KIF19: variants seen among roughly 807,000 people sequenced by gnomAD.
KIF19 encodes the protein kinesin-like protein KIF19.
In KIF19, 98 loss-of-function variants were observed where a neutral mutation model predicts 106.6. The ratio of observed to expected loss-of-function variants is 0.92; its 90% CI spans 0.78 to 1.09. The LOEUF (loss-of-function observed/expected upper bound fraction) is 1.09. Ranked by LOEUF, KIF19 falls within the 50% of genes least tolerant of loss-of-function variation. The probability of loss-of-function intolerance (pLI) is 0.00; values close to 1 mark genes in which losing one functional copy is unlikely to be tolerated. For synonymous variants in KIF19, 516 were observed against 584.2 expected, an observed-to-expected ratio of 0.88 and a Z score of 1.68; for missense variants, 1,373 against 1,414.3, an observed-to-expected ratio of 0.97 and a Z score of 0.47.
chr17:74,349,440 C>T (rs1336309678), intron 10 of KIF19, 91 bp downstream of exon 10: 9 of 1,338,950 alleles, frequency 6.7e-6, no homozygotes, highest in Non-Finnish European at 8.0e-6. Context: ...AATCCAGAAT[C>T]GGGCTCTTTC....
In KIF19 at chr17:74,331,341, G is replaced by A. The variant is rs2054073772; in HGVS notation, c.120+2836G>A. Among the ~76,000 whole-genome samples, 1 of 151,580 alleles carries A rather than the reference G, an allele frequency of 6.6e-6. No homozygotes were observed. Among genetic ancestry groups the A allele is most frequent in the Non-Finnish European group, 1.5e-5 (1 of 67,922 alleles). ...GTATTTGGGAGCTGAGCCAGGACAT[G>A]TTCGTCCTGAGTGGGGAGAGGTGGA... On this transcript the variant is annotated intron_variant, in intron 2 of 19. Coordinates refer to ENST00000389916, the MANE Select transcript of KIF19 (RefSeq NM_153209.4). This position sits in a 1 kb window ranked among gnomAD's most constrained non-coding sequence, Gnocchi z 4.1.
Position 74,351,894 on chromosome 17 carries a change from C to T in KIF19, c.1615C>T (p.Leu539=). The part of the protein sequence containing the change: ...KLALEQRCRE[L]RARGRRLEET... ...GGCGCTGGAGCAGCGCTGCCGGGAG[C>T]TGCGCGCGCGGGGCCGGCGCCTGGA... is the stretch of plus-strand genomic sequence containing the variant. Residue 539 remains leucine (L), a synonymous_variant, in exon 13 of 20, where the codon CTG becomes TTG. Transcript: ENST00000389916. The T allele has an allele frequency of 7.1e-7, 1 of 1,411,292 alleles. No homozygotes were observed. The highest frequency in any genetic ancestry group is 9.2e-7 in the Non-Finnish European group (1 of 1,091,184). 87.4% of individuals were successfully genotyped at this position (1,411,292 alleles called of 1,614,324 possible).
rs1327957557 is a variant in KIF19 at position 74,350,450 on chromosome 17, G to A, written c.1263G>A (p.Gln421=). ...AGGGTGAGAAGGCTGGCATGGGACA[G>A]CTTCGGGAGCAGCTCGCCAGCGCCT... ...SGQGEKAGMG[Q]LREQLASAFQ... Residue 421 remains glutamine, a synonymous_variant, in exon 11 of 20, where the codon CAG becomes CAA. Coordinates refer to ENST00000389916, the MANE Select transcript of KIF19 (RefSeq NM_153209.4). 1 of 1,609,416 alleles carries A rather than the reference G, an allele frequency of 6.2e-7. No individual in the cohort carries two copies. The highest frequency in any genetic ancestry group is 8.5e-7 in the Non-Finnish European group (1 of 1,178,714).
At chr17:74,352,394 T>C in intron 14 of KIF19, 54 bp downstream of exon 14, 1 of 1,555,772 alleles carries the variant, frequency 6.4e-7, no homozygotes, top group Non-Finnish European at 8.7e-7. Flanking sequence ...AGGGAGGGGC[T>C]GATGACCAAG....
intron 2 of KIF19, among the ~76,000 whole-genome samples, chr17:74,330,352 G>A (rs1272193842): frequency 1.3e-5 from 2 of 152,164 alleles, no homozygotes; most frequent in Non-Finnish European, 2.9e-5. Context: ...GCTAATGTAC[G>A]CACATGCTTA....
At chr17:74,354,681 T>G in intron 18 of KIF19, 101 bp from the exon 19 acceptor site, 1 of 1,521,800 alleles carries the variant, frequency 6.6e-7, no homozygotes, top group Non-Finnish European at 8.8e-7. Flanking sequence ...GGCACCACCC[T>G]CCACAGTCTC....
At chr17:74,335,226 G>A (rs6501710) in intron 2 of KIF19, among the ~76,000 whole-genome samples, 83,998 of 152,034 alleles carry the variant, frequency 0.55, 23,675 homozygotes, top group East Asian at 0.65. Flanking sequence ...CAGGGATACT[G>A]CTCAACATTC....
chr17:74,341,312 G>A (rs375596075), intron 2 of KIF19, among the ~76,000 whole-genome samples: 6 of 152,236 alleles, frequency 3.9e-5, no homozygotes, highest in East Asian at 3.9e-4. Flanking sequence ...GCAAGACTCC[G>A]TCTCAAAAAT....
intron 2 of KIF19, among the ~76,000 whole-genome samples, chr17:74,333,861 T>TC (rs2054155665): frequency 3.7e-5 from 4 of 109,354 alleles, no homozygotes; most frequent in East Asian, 3.8e-4. Flanking sequence ...TTCTTTTTTT[T>TC]TCTTTTTTTT....
intron 2 of KIF19, among the ~76,000 whole-genome samples, chr17:74,334,011 G>C: frequency 6.6e-6 from 1 of 151,546 alleles, no homozygotes; most frequent in Non-Finnish European, 1.5e-5. Context: ...TTTTAGTAGA[G>C]GTGTGGTCTG....
At chr17:74,353,693 T>C in intron 17 of KIF19, 112 bp downstream of exon 17, 2 of 847,330 alleles carry the variant, frequency 2.4e-6, no homozygotes, top group East Asian at 2.6e-5. Flanking sequence ...CAACCAAGCA[T>C]TGGGTGCTAC....
Position 74,347,799 on chromosome 17 carries a change from GCA to G in KIF19, c.950_951del (p.Thr317SerfsTer30). The G allele has an allele frequency of 1.3e-6, 2 of 1,588,202 alleles. No homozygotes were observed. Among genetic ancestry groups the G allele is most frequent in the African/African-American group, 1.3e-5 (1 of 74,338 alleles). On this transcript the variant is annotated frameshift_variant, in exon 9 of 20. Transcript: ENST00000389916. LOFTEE classifies it high-confidence loss of function. ...CAGGACTCTCTGGGAGGAAACAGCCGCACAGTGATGATCGCTCACATCAGTCC... is the reference window on the plus strand; with the variant it reads ...CAGGACTCTCTGGGAGGAAACAGCCGCAGTGATGATCGCTCACATCAGTCC...
At chr17:74,341,310 C>A (rs1164395710) in intron 2 of KIF19, among the ~76,000 whole-genome samples, 2 of 152,174 alleles carry the variant, frequency 1.3e-5, no homozygotes, top group African/African-American at 4.8e-5. Context: ...GAGCAAGACT[C>A]CGTCTCAAAA....
Position 74,352,334 on chromosome 17 carries a change from C to A in KIF19, c.1974C>A (p.Ala658=). The change falls in exon 14 of 20, where the codon GCC becomes GCA. Residue 658 remains alanine, a synonymous_variant. Coordinates refer to ENST00000389916, the MANE Select transcript of KIF19 (RefSeq NM_153209.4). ...ATIMDQVASR[A]LQDSSLPKIT... Reference sequence around the variant, plus strand: ...TCATGGACCAAGTGGCCTCCAGGGCCCTGCAGGTGGGTGGGCGCCTGGGCG... The same window carrying A: ...TCATGGACCAAGTGGCCTCCAGGGCACTGCAGGTGGGTGGGCGCCTGGGCG... The A allele has an allele frequency of 6.2e-7, 1 of 1,606,730 alleles. No individual in the cohort carries two copies. Among genetic ancestry groups the A allele is most frequent in the Non-Finnish European group, 8.5e-7 (1 of 1,177,448 alleles).
chr17:74,353,630 C>T, intron 17 of KIF19, 49 bp downstream of exon 17: 1 of 1,443,960 alleles, frequency 6.9e-7, no homozygotes, highest in Non-Finnish European at 9.7e-7. Flanking sequence ...CTTGTCTAAA[C>T]TGTTCAGATC....
At position 74,354,773 on chromosome 17, in the gene KIF19, C is replaced by T. The variant is rs1262556582; in HGVS notation, c.2707-9C>T. ...CTCTCGGCCTCACCCCACTGTTCAA[C>T]CATCACAGCTCTCCCACCCCAAGAC... On this transcript the variant is annotated splice_polypyrimidine_tract_variant and intron_variant, in intron 18 of 19. Coordinates refer to ENST00000389916, the MANE Select transcript of KIF19 (RefSeq NM_153209.4). 2.6e-6 allele frequency: 4 copies of T among 1,553,124 alleles called. No homozygotes were observed. The highest frequency in any genetic ancestry group is 3.5e-6 in the Non-Finnish European group (4 of 1,147,420).
intron 2 of KIF19, among the ~76,000 whole-genome samples, chr17:74,338,285 C>T (rs920559480): frequency 3.4e-4 from 51 of 152,234 alleles, no homozygotes; most frequent in African/African-American, 1.2e-3. Context: ...AACTCAGAGC[C>T]AGGTTTTACC....
chr17:74,333,735 T>C (rs2054150725), intron 2 of KIF19, among the ~76,000 whole-genome samples: 1 of 152,160 alleles, frequency 6.6e-6, no homozygotes, highest in South Asian at 2.1e-4. Context: ...GTTGCAAGGA[T>C]CCTTACACTC....
chr17:74,354,193 C>T lies in KIF19; in HGVS notation c.2340C>T (p.Cys780=). ...ERKEILTGTK[C]IWVKAARRRS... Reference sequence around the variant, plus strand: ...AGGAGATCCTGACTGGCACCAAGTGCATCTGGGTGAAGGCCGCCCGGCGGC... The same window carrying T: ...AGGAGATCCTGACTGGCACCAAGTGTATCTGGGTGAAGGCCGCCCGGCGGC... The change falls in exon 18 of 20, where the codon TGC becomes TGT. Residue 780 remains cysteine (C), a synonymous_variant. Coordinates refer to ENST00000389916, the MANE Select transcript of KIF19 (RefSeq NM_153209.4). 6.2e-7 allele frequency: 1 copy of T among 1,609,566 alleles called. No homozygotes were observed. Among genetic ancestry groups the T allele is most frequent in the South Asian group, 1.1e-5 (1 of 90,956 alleles).
Sources: allele counts gnomAD v4.1 joint callset (sites outside exome capture counted in the v4.1 genomes callset), GRCh38; gene constraint gnomAD v4.1.1; non-coding constraint Gnocchi (gnomAD v3.1); transcripts MANE v1.5; gene names NCBI Gene and HGNC (gene_info 2026-07-23, HGNC 2026-07-21).